LRRTM4: variants seen among roughly 807,000 people sequenced by gnomAD.
LRRTM4 encodes leucine-rich repeat transmembrane neuronal protein 4.
Under a neutral mutation model 47.6 loss-of-function variants are expected in LRRTM4, and 25 were observed. That is an observed-to-expected ratio of 0.53 (90% CI 0.38 to 0.73). The LOEUF (loss-of-function observed/expected upper bound fraction) is 0.73. Among genes scored for constraint, LRRTM4 ranks in the 30% least tolerant of loss-of-function variants. The pLI, the probability that LRRTM4 is intolerant of heterozygous loss-of-function variation, is 0.00. For synonymous variants in LRRTM4, 311 were observed against 269.5 expected, an observed-to-expected ratio of 1.15 and a Z score of -1.51; for missense variants, 638 against 713.4, an observed-to-expected ratio of 0.89 and a Z score of 1.20.
intron 3 of LRRTM4, among the ~76,000 whole-genome samples, chr2:76,759,048 C>A (rs2104076063): frequency 6.6e-6 from 1 of 151,946 alleles, no homozygotes; most frequent in East Asian, 1.9e-4. Flanking sequence ...TTTTTTGTTT[C>A]TAACCATTAA....
chr2:77,504,284 A>G (rs1349334168), intron 3 of LRRTM4, among the ~76,000 whole-genome samples: 3 of 151,676 alleles, frequency 2.0e-5, no homozygotes, highest in Non-Finnish European at 4.4e-5. Flanking sequence ...TTTGTACTAT[A>G]GTGACAAAGT....
chr2:76,970,500 A>T (rs1676181517), intron 3 of LRRTM4, among the ~76,000 whole-genome samples: 3 of 152,026 alleles, frequency 2.0e-5, no homozygotes, highest in African/African-American at 7.2e-5. Flanking sequence ...ATAAATAAAA[A>T]GTTTTATAAA....
intron 3 of LRRTM4, among the ~76,000 whole-genome samples, chr2:76,780,568 G>A (rs1344460375): frequency 6.6e-6 from 1 of 151,992 alleles, no homozygotes; most frequent in African/African-American, 2.4e-5. Flanking sequence ...TGAGGCTTCT[G>A]CATTCTTCAC....
intron 3 of LRRTM4, among the ~76,000 whole-genome samples, chr2:77,183,522 G>A (rs1161570380): frequency 6.6e-6 from 1 of 152,164 alleles, no homozygotes; most frequent in Non-Finnish European, 1.5e-5. Flanking sequence ...AGTCAGTGTG[G>A]CAATTCCTCA....
chr2:77,196,329 ATTC>A (rs1472578590), intron 3 of LRRTM4, among the ~76,000 whole-genome samples: 3 of 152,190 alleles, frequency 2.0e-5, no homozygotes, highest in African/African-American at 7.2e-5. Context: ...TACATTCAGT[ATTC>A]TTCTAGTTAT....
chr2:76,821,031 G>T (rs1383136487), intron 3 of LRRTM4, among the ~76,000 whole-genome samples: 1 of 151,662 alleles, frequency 6.6e-6, no homozygotes, highest in Non-Finnish European at 1.5e-5. Context: ...AGGATACTGT[G>T]CAAGGGTCTA....
At chr2:77,017,963 T>C (rs1426789423) in intron 3 of LRRTM4, among the ~76,000 whole-genome samples, 2 of 151,832 alleles carry the variant, frequency 1.3e-5, no homozygotes, top group African/African-American at 4.8e-5. Flanking sequence ...AATGGCATAA[T>C]ACTTAAATAT....
intron 3 of LRRTM4, among the ~76,000 whole-genome samples, chr2:76,902,747 C>G (rs1673683607): frequency 6.6e-6 from 1 of 152,152 alleles, no homozygotes; most frequent in Admixed American, 6.6e-5. Context: ...TTTTATTTTT[C>G]ACTGAGCACT....
At chr2:76,887,841 C>T (rs756805675) in intron 3 of LRRTM4, among the ~76,000 whole-genome samples, 1 of 150,964 alleles carries the variant, frequency 6.6e-6, no homozygotes, top group Non-Finnish European at 1.5e-5. Flanking sequence ...TTACTACTTA[C>T]TGGATGTCAA....
chr2:77,389,099 T>A (rs1673402780), intron 3 of LRRTM4, among the ~76,000 whole-genome samples: 1 of 152,168 alleles, frequency 6.6e-6, no homozygotes, highest in African/African-American at 2.4e-5. Context: ...GAAAATCATG[T>A]TATTAAGCAT....
At chr2:77,329,179 T>C (rs921322676) in intron 3 of LRRTM4, among the ~76,000 whole-genome samples, 1 of 152,194 alleles carries the variant, frequency 6.6e-6, no homozygotes, top group African/African-American at 2.4e-5. Context: ...AGTTATAATA[T>C]ACTCAGCTAA....
Position 77,117,510 on chromosome 2 carries a change from T to C in LRRTM4, c.1552-368594A>G, listed in dbSNP as rs569719627. 2.1e-3 allele frequency among the ~76,000 whole-genome samples: 311 copies of C among 151,140 alleles called. 1 individual carries two copies. The highest frequency in any genetic ancestry group is 7.3e-3 in the African/African-American group (297 of 40,676). On this transcript the variant is annotated intron_variant, in intron 3 of 3. Coordinates refer to ENST00000409884, the MANE Select transcript of LRRTM4 (RefSeq NM_001134745.3). ...TTACTCAAGTGCCATCCTTGTTTCT[T>C]ACTTTTCTTTTTTTTCCCCAAAACC...
At chr2:77,118,890 G>C (rs911932628) in intron 3 of LRRTM4, among the ~76,000 whole-genome samples, 1 of 151,738 alleles carries the variant, frequency 6.6e-6, no homozygotes, top group African/African-American at 2.4e-5. Context: ...TTCTAATCAG[G>C]ATACTTTGTG....
At chr2:76,944,204 A>C (rs1675248990) in intron 3 of LRRTM4, among the ~76,000 whole-genome samples, 1 of 152,076 alleles carries the variant, frequency 6.6e-6, no homozygotes, top group African/African-American at 2.4e-5. Context: ...TTCTTTGAAC[A>C]TGCTGTCACT....
intron 3 of LRRTM4, among the ~76,000 whole-genome samples, chr2:77,211,622 G>A (rs1411301220): frequency 1.3e-5 from 2 of 152,056 alleles, no homozygotes; most frequent in African/African-American, 4.8e-5. Flanking sequence ...AATGGTTGTT[G>A]TAAGCCTATC....
chr2:77,046,804 G>T (rs1269967109), intron 3 of LRRTM4, among the ~76,000 whole-genome samples: 1 of 151,880 alleles, frequency 6.6e-6, no homozygotes, highest in Non-Finnish European at 1.5e-5. Context: ...CACAATTTTT[G>T]TCATCCAGAA....
chr2:76,795,427 A>ATTAT (rs1265658384), intron 3 of LRRTM4, among the ~76,000 whole-genome samples: 11 of 128,138 alleles, frequency 8.6e-5, no homozygotes, highest in Non-Finnish European at 1.9e-4. Context: ...TTTTACTGTC[A>ATTAT]TTATTTCCTA....
chr2:77,362,216 G>C (rs1417380661), intron 3 of LRRTM4, among the ~76,000 whole-genome samples: 1 of 151,160 alleles, frequency 6.6e-6, no homozygotes, highest in Non-Finnish European at 1.5e-5. Flanking sequence ...AGGTGAAAGA[G>C]GCTTATCTCA....
chr2:76,918,933 G>C (rs540851652), intron 3 of LRRTM4, among the ~76,000 whole-genome samples: 4 of 152,230 alleles, frequency 2.6e-5, no homozygotes, highest in African/African-American at 9.6e-5. Flanking sequence ...AAACTCACAG[G>C]AGTCAGAAAA....
Sources: gnomAD v4.1 joint callset for allele counts (sites outside exome capture counted in the v4.1 genomes callset) on GRCh38, gnomAD v4.1.1 for gene constraint, MANE v1.5 for transcripts, NCBI Gene and HGNC (gene_info 2026-07-23, HGNC 2026-07-21) for gene names.